The following KCTD1 variants were observed in gnomAD, a reference collection of about 807,000 sequenced individuals.
The protein encoded by KCTD1 is potassium channel tetramerization domain containing 1.
KCTD1 carries 24 observed loss-of-function variants against 66.0 expected under a neutral mutation model. That is an observed-to-expected ratio of 0.36 (90% CI 0.26 to 0.51). KCTD1 has a LOEUF of 0.51. Among genes scored for constraint, KCTD1 ranks in the 20% least tolerant of loss-of-function variants. The pLI, the probability that KCTD1 is intolerant of heterozygous loss-of-function variation, is 0.95. For missense variants in KCTD1, 943 were observed against 1,205.2 expected (o/e 0.78, Z 3.22); for synonymous variants, 511 against 517.2 (o/e 0.99, Z 0.16).
At chr18:26,472,002 G>A (rs1365583175) in intron 3 of KCTD1, among the ~76,000 whole-genome samples, 1 of 152,112 alleles carries the variant, frequency 6.6e-6, no homozygotes, top group Non-Finnish European at 1.5e-5. Context: ...CACGTGGGAG[G>A]CGAAGAAGAG....
rs1472429702 is a variant in KCTD1 at position 26,468,334 on chromosome 18, A to G, written c.2133+8181T>C. ...CAACTGCCACTTAAATGGTGTTCTG[A>G]AATATGAAATTATCTCAAAGATGAA... On this transcript the variant is annotated intron_variant, in intron 3 of 4. Coordinates refer to ENST00000580059, the MANE Select transcript of KCTD1 (RefSeq NM_001142730.3). This position sits in a 1 kb window ranked among gnomAD's most constrained non-coding sequence, Gnocchi z 4.8. Among the ~76,000 whole-genome samples, 2 of 152,204 alleles carry G rather than the reference A, an allele frequency of 1.3e-5. No individual in the cohort carries two copies. Among genetic ancestry groups the G allele is most frequent in the African/African-American group, 4.8e-5 (2 of 41,454 alleles).
intron 1 of KCTD1, among the ~76,000 whole-genome samples, chr18:26,560,579 C>T (rs1985823804): frequency 6.6e-6 from 1 of 152,138 alleles, no homozygotes; most frequent in African/African-American, 2.4e-5. Context: ...AGATTGGGAC[C>T]CACTGCCCTT....
At chr18:26,520,304 C>T (rs545197037) in intron 1 of KCTD1, among the ~76,000 whole-genome samples, 5 of 152,270 alleles carry the variant, frequency 3.3e-5, no homozygotes, top group Middle Eastern at 3.4e-3. Context: ...TCTGCCATCT[C>T]CCCAGAGAGA....
intron 2 of KCTD1, among the ~76,000 whole-genome samples, chr18:26,493,537 C>T (rs2144658640): frequency 6.6e-6 from 1 of 152,198 alleles, no homozygotes; most frequent in East Asian, 1.9e-4. Context: ...CTCACGCTTC[C>T]ATCTAGATGT....
chr18:26,616,478 T>C lies in KCTD1; in HGVS notation c.-16+12669A>G, dbSNP rs200173632. 7.1e-3 allele frequency among the ~76,000 whole-genome samples: 1,052 copies of C among 148,736 alleles called. 13 individuals are homozygous for C. Among genetic ancestry groups the C allele is most frequent in the African/African-American group, 0.024 (984 of 40,258 alleles). ...CCTTACATACATATATATATATATA[T>C]ACACACACACATATATGTATACATA... On this transcript the variant is annotated intron_variant, in intron 1 of 4. Coordinates refer to the KCTD1 transcript ENST00000317932.
upstream of KCTD1, among the ~76,000 whole-genome samples, chr18:26,644,003 C>T (rs1987886490): frequency 6.6e-6 from 1 of 152,034 alleles, no homozygotes; most frequent in African/African-American, 2.4e-5. Context: ...AACATGACTG[C>T]CACCCAGAGA....
intron 1 of KCTD1, among the ~76,000 whole-genome samples, chr18:26,647,246 C>T (rs928051532): frequency 1.3e-5 from 2 of 151,966 alleles, no homozygotes; most frequent in African/African-American, 4.8e-5. Context: ...CGGTGGCTCA[C>T]GCCTGTAACC....
At chr18:26,492,009 A>T (rs1467967797) in intron 2 of KCTD1, among the ~76,000 whole-genome samples, 1 of 152,140 alleles carries the variant, frequency 6.6e-6, no homozygotes, top group East Asian at 1.9e-4. Context: ...CACTTTGGGA[A>T]GCCAAGGAGG....
chr18:26,560,793 C>T (rs7231274), intron 1 of KCTD1, among the ~76,000 whole-genome samples: 20,896 of 152,272 alleles, frequency 0.14, 1,949 homozygotes, highest in African/African-American at 0.27. Flanking sequence ...GTTTAAGAAA[C>T]AACCACGTGG....
At chr18:26,611,617 T>C (rs1328518843) in intron 1 of KCTD1, among the ~76,000 whole-genome samples, 2 of 152,194 alleles carry the variant, frequency 1.3e-5, no homozygotes, top group Non-Finnish European at 2.9e-5. Flanking sequence ...TCCCAAAATG[T>C]TGAGATTACA....
intron 1 of KCTD1, among the ~76,000 whole-genome samples, chr18:26,572,817 A>C (rs1255214462): frequency 6.6e-6 from 1 of 152,218 alleles, no homozygotes; most frequent in African/African-American, 2.4e-5. Flanking sequence ...ATAAAATCTC[A>C]AGATAGTTGC....
In KCTD1 at chr18:26,548,393, C is replaced by G; in HGVS notation, c.144G>C (p.Pro48=). The G allele has an allele frequency of 6.9e-7, 1 of 1,451,818 alleles. No homozygotes were observed. The highest frequency in any genetic ancestry group is 1.4e-5 in the African/African-American group (1 of 69,082). 89.9% of individuals were successfully genotyped at this position (1,451,818 alleles called of 1,614,324 possible). ...AGGRGRRHSR[P]HYCSAGEEEE... ...CCTCCTCGCCCGCGCTGCAGTAGTG[C>G]GGACGGCTGTGGCGGCGGCCGCGGC... The change falls in exon 1 of 5, where the codon CCG becomes CCC. Residue 48 remains proline (P), a synonymous_variant. Transcript: ENST00000580059.
chr18:26,519,102 C>T (rs1230353211), intron 1 of KCTD1, among the ~76,000 whole-genome samples: 3 of 152,140 alleles, frequency 2.0e-5, no homozygotes, highest in Non-Finnish European at 4.4e-5. Flanking sequence ...TTTTTAAATA[C>T]AAATTCTATC....
At chr18:26,466,427 C>T (rs1293950625) in intron 3 of KCTD1, among the ~76,000 whole-genome samples, 1 of 152,168 alleles carries the variant, frequency 6.6e-6, no homozygotes, top group Non-Finnish European at 1.5e-5. Flanking sequence ...TTAACTTTTC[C>T]TTAAGCTGGA....
chr18:26,469,163 T>C (rs1660738038), intron 3 of KCTD1, among the ~76,000 whole-genome samples: 1 of 124,462 alleles, frequency 8.0e-6, no homozygotes, highest in South Asian at 2.3e-4. Context: ...TCATTTGACA[T>C]GCTTTTGTTT....
At chr18:26,643,930 C>G (rs1213480434), upstream of KCTD1, among the ~76,000 whole-genome samples, 2 of 151,966 alleles carry the variant, frequency 1.3e-5, no homozygotes, top group African/African-American at 4.8e-5. Context: ...CCACTGCACT[C>G]CAGCCTGGGT....
At chr18:26,630,972 T>C (rs1987606605), upstream of KCTD1, among the ~76,000 whole-genome samples, 1 of 152,052 alleles carries the variant, frequency 6.6e-6, no homozygotes, top group African/African-American at 2.4e-5. Context: ...ACTGCGATCT[T>C]GATATCCTCC....
At chr18:26,596,924 C>G (rs1440344150) in intron 1 of KCTD1, among the ~76,000 whole-genome samples, 1 of 152,108 alleles carries the variant, frequency 6.6e-6, no homozygotes, top group Non-Finnish European at 1.5e-5. Context: ...ACATATGGCT[C>G]TTTGATTTCC....
At chr18:26,521,281 A>G (rs1431102229) in intron 1 of KCTD1, among the ~76,000 whole-genome samples, 1 of 152,222 alleles carries the variant, frequency 6.6e-6, no homozygotes, top group East Asian at 1.9e-4. Context: ...AACCCTTGAC[A>G]TCACTATCTC....
Sources: gnomAD v4.1 joint callset for allele counts (sites outside exome capture counted in the v4.1 genomes callset) on GRCh38, gnomAD v4.1.1 for gene constraint, Gnocchi (gnomAD v3.1) non-coding constraint, MANE v1.5 for transcripts, NCBI Gene and HGNC (gene_info 2026-07-23, HGNC 2026-07-21) for gene names.